PCNX2: variants seen among roughly 807,000 people sequenced by gnomAD.
The protein encoded by PCNX2 is pecanex-like protein 2.
A neutral mutation model predicts 223.8 loss-of-function variants in PCNX2; 168 were observed. That is an observed-to-expected ratio of 0.75 (90% CI 0.66 to 0.85). The LOEUF (loss-of-function observed/expected upper bound fraction) is 0.85. Among genes scored for constraint, PCNX2 ranks in the 40% least tolerant of loss-of-function variants. PCNX2 has a pLI of 0.00. For missense variants in PCNX2, 2,507 were observed against 2,675.5 expected, an observed-to-expected ratio of 0.94 and a Z score of 1.39; for synonymous variants, 1,006 against 1,052.6, an observed-to-expected ratio of 0.96 and a Z score of 0.86.
At chr1:233,094,303 G>A (rs565053291) in intron 22 of PCNX2, among the ~76,000 whole-genome samples, 1 of 152,296 alleles carries the variant, frequency 6.6e-6, no homozygotes, top group African/African-American at 2.4e-5. Flanking sequence ...GTCAGAAAGA[G>A]ATTAAAAATC....
upstream of PCNX2, among the ~76,000 whole-genome samples, chr1:233,295,946 C>A (rs575765210): frequency 1.9e-4 from 28 of 145,600 alleles, no homozygotes; most frequent in African/African-American, 6.4e-4. This position sits in a 1 kb window ranked among gnomAD's most constrained non-coding sequence, Gnocchi z 4.1. Flanking sequence ...TCCTTCCTTC[C>A]TTCCTTTCTC....
chr1:233,222,821 A>G (rs1197807038), intron 10 of PCNX2, among the ~76,000 whole-genome samples: 1 of 152,204 alleles, frequency 6.6e-6, no homozygotes, highest in East Asian at 1.9e-4. Context: ...CCACAAGTGG[A>G]GCAGGCTTGG....
chr1:233,107,960 C>T (rs1187620908), intron 21 of PCNX2, among the ~76,000 whole-genome samples: 2 of 152,156 alleles, frequency 1.3e-5, no homozygotes, highest in Admixed American at 6.6e-5. Flanking sequence ...ACCAAGATGG[C>T]GATGAGCGTG....
intron 13 of PCNX2, among the ~76,000 whole-genome samples, chr1:233,208,207 C>T (rs1312818273): frequency 6.6e-6 from 1 of 152,178 alleles, no homozygotes; most frequent in Non-Finnish European, 1.5e-5. Context: ...GACCCACCGG[C>T]CTCGGCCTCC....
chr1:233,118,626 C>CA (rs770727229), intron 21 of PCNX2, among the ~76,000 whole-genome samples: 1 of 151,488 alleles, frequency 6.6e-6, no homozygotes, highest in African/African-American at 2.4e-5. Context: ...CATAGTCACT[C>CA]AAAAAAAGGA....
intron 28 of PCNX2, among the ~76,000 whole-genome samples, chr1:233,012,580 A>G (rs1014315825): frequency 3.9e-5 from 6 of 151,990 alleles, no homozygotes; most frequent in African/African-American, 1.4e-4. Flanking sequence ...CCATGTCTGC[A>G]GCAAGTAGAG....
At chr1:233,185,361 G>A (rs1252362475) in intron 15 of PCNX2, among the ~76,000 whole-genome samples, 1 of 152,068 alleles carries the variant, frequency 6.6e-6, no homozygotes, top group African/African-American at 2.4e-5. Context: ...AAGGTGGTAA[G>A]ACCAGTACCA....
chr1:233,220,053 T>C (rs1422900077), intron 10 of PCNX2, among the ~76,000 whole-genome samples: 1 of 152,234 alleles, frequency 6.6e-6, no homozygotes, highest in African/African-American at 2.4e-5. Context: ...CCTTTGCATA[T>C]TGGCTCCTTT....
intron 1 of PCNX2, among the ~76,000 whole-genome samples, chr1:233,274,574 G>A (rs930600998): frequency 2.6e-5 from 4 of 152,176 alleles, no homozygotes; most frequent in African/African-American, 9.7e-5. Flanking sequence ...TTCCAAAGTA[G>A]AGTAGCAAGT....
In PCNX2 at chr1:233,123,731, T is replaced by G. The variant is rs548176787; in HGVS notation, c.3837+11282A>C. Among the ~76,000 whole-genome samples, 557 of 152,320 alleles carry G rather than the reference T, an allele frequency of 3.7e-3. 2 individuals are homozygous for G. Among genetic ancestry groups the G allele is most frequent in the Non-Finnish European group, 6.5e-3 (441 of 68,034 alleles). ...ACCTAGATATGAATGAGAAGAGATT[T>G]GGGAAGAAAGAAAATGTGGACTACT... On this transcript the variant is annotated intron_variant, in intron 21 of 33. Coordinates refer to ENST00000258229, the MANE Select transcript of PCNX2 (RefSeq NM_014801.4).
At chr1:233,142,436 C>T (rs1313506187) in intron 19 of PCNX2, among the ~76,000 whole-genome samples, 2 of 152,196 alleles carry the variant, frequency 1.3e-5, no homozygotes. Context: ...AAGCTCCATC[C>T]ATGTCCTGCA....
chr1:233,199,809 C>G (rs1680952810), intron 14 of PCNX2, among the ~76,000 whole-genome samples: 1 of 152,046 alleles, frequency 6.6e-6, no homozygotes, highest in Admixed American at 6.5e-5. Context: ...CACACACACA[C>G]ACACACACAC....
chr1:233,130,884 AG>A lies in PCNX2; in HGVS notation c.3837+4128del, dbSNP rs1157509775. ...GAGTGGGGGATTTGGGGGCTTAGGG[AG>A]GTAGAGAATATCATGAGGGCAGGGC... On this transcript the variant is annotated intron_variant, in intron 21 of 33. Coordinates refer to ENST00000258229, the MANE Select transcript of PCNX2 (RefSeq NM_014801.4). 2.0e-5 allele frequency among the ~76,000 whole-genome samples: 3 copies of A among 149,742 alleles called. 1 individual carries two copies. The highest frequency in any genetic ancestry group is 1.3e-4 in the Admixed American group (2 of 14,986).
At chr1:233,311,268 C>T in the PCNX2 span, among the ~76,000 whole-genome samples, 2 of 152,200 alleles carry the variant, frequency 1.3e-5, no homozygotes, top group Non-Finnish European at 2.9e-5. Context: ...AAAGAGCCAA[C>T]ATTGCCTGAG....
At chr1:233,063,987 TC>T (rs1421942110) in intron 23 of PCNX2, among the ~76,000 whole-genome samples, 1 of 152,158 alleles carries the variant, frequency 6.6e-6, no homozygotes, top group African/African-American at 2.4e-5. Flanking sequence ...GTCTTTTTTT[TC>T]ATAACATCTT....
intron 28 of PCNX2, among the ~76,000 whole-genome samples, chr1:233,012,125 C>T (rs1165802406): frequency 1.3e-5 from 2 of 152,144 alleles, no homozygotes; most frequent in Non-Finnish European, 2.9e-5. Flanking sequence ...GTGTTGATGA[C>T]TGTTGTTTTT....
intron 21 of PCNX2, among the ~76,000 whole-genome samples, chr1:233,099,863 C>T (rs914858026): frequency 7.9e-5 from 12 of 152,034 alleles, no homozygotes; most frequent in South Asian, 2.1e-4. Context: ...TAAGCAGGGC[C>T]GCAAGCACTA....
intron 25 of PCNX2, chr1:233,031,725 T>C: frequency 1.0e-6 from 1 of 983,608 alleles, no homozygotes; most frequent in African/African-American, 1.8e-5. Context: ...ATCCCAAATC[T>C]TCGGATTCCA....
chr1:233,244,527 A>G (rs934693920), intron 8 of PCNX2, among the ~76,000 whole-genome samples: 1 of 152,158 alleles, frequency 6.6e-6, no homozygotes, highest in Non-Finnish European at 1.5e-5. Context: ...CCTAGCCAAC[A>G]TGACAAAACC....
Sources: allele counts gnomAD v4.1 joint callset (sites outside exome capture counted in the v4.1 genomes callset), GRCh38; gene constraint gnomAD v4.1.1; non-coding constraint Gnocchi (gnomAD v3.1); transcripts MANE v1.5; gene names NCBI Gene and HGNC (gene_info 2026-07-23, HGNC 2026-07-21).